The following IFT52 variants were observed in gnomAD, a reference collection of about 807,000 sequenced individuals.
IFT52 encodes the protein intraflagellar transport 52.
Under a neutral mutation model 54.4 loss-of-function variants are expected in IFT52, and 44 were observed. The ratio of observed to expected loss-of-function variants is 0.81; its 90% CI spans 0.63 to 1.04. The LOEUF (loss-of-function observed/expected upper bound fraction) is 1.04. Ranked by LOEUF, IFT52 falls within the 50% of genes least tolerant of loss-of-function variation. The pLI is 0.00. For missense variants in IFT52, 452 were observed against 523.6 expected, an observed-to-expected ratio of 0.86 and a Z score of 1.33; for synonymous variants, 181 against 185.3, an observed-to-expected ratio of 0.98 and a Z score of 0.19.
chr20:43,627,171 A>G (rs1025000406), intron 10 of IFT52, among the ~76,000 whole-genome samples: 22 of 151,046 alleles, frequency 1.5e-4, no homozygotes, highest in South Asian at 2.1e-4. Context: ...CATCTCAGAA[A>G]AAAAAAAAAA....
In IFT52 at chr20:43,613,812, T is replaced by A. The variant is rs60813278; in HGVS notation, c.486-38T>A. The A allele has an allele frequency of 0.01, 15,931 of 1,587,574 alleles. 688 individuals carry two copies. Among genetic ancestry groups the A allele is most frequent in the African/African-American group, 0.096 (7,070 of 73,918 alleles). ...TATTTTCAGAATTTTTGTATTCATG[T>A]TTTTAAAATTTGAATGTGTTTCTTT... is the stretch of plus-strand genomic sequence containing the variant. On this transcript the variant is annotated intron_variant, in intron 6 of 13. Transcript: ENST00000373030.
chr20:43,642,691 C>T (rs1986003917), intron 13 of IFT52, 67 bp downstream of exon 13: 2 of 1,477,584 alleles, frequency 1.4e-6, no homozygotes, highest in Admixed American at 4.2e-5. Context: ...ATGGACTGTG[C>T]TTGCCATGTT....
chr20:43,634,222 AAAATAG>A (rs1430510130), intron 10 of IFT52, among the ~76,000 whole-genome samples: 3 of 152,120 alleles, frequency 2.0e-5, no homozygotes, highest in Non-Finnish European at 4.4e-5. Context: ...ATGAAAAAAA[AAAATAG>A]AAGAAGAAGA....
At chr20:43,599,080 CAGA>C (rs1395766924) in intron 3 of IFT52, among the ~76,000 whole-genome samples, 1 of 152,170 alleles carries the variant, frequency 6.6e-6, no homozygotes, top group Non-Finnish European at 1.5e-5. Flanking sequence ...GGTTAATTGA[CAGA>C]AGGAGTAGAA....
At position 43,608,865 on chromosome 20, in the gene IFT52, G is replaced by T. The variant is rs182484044; in HGVS notation, c.485+3792G>T. Among the ~76,000 whole-genome samples the T allele has an allele frequency of 5.3e-4, 81 of 152,162 alleles. 1 individual carries two copies. Among genetic ancestry groups the T allele is most frequent in the African/African-American group, 1.8e-3 (75 of 41,516 alleles). ...AGAGGTGGCAGTGAGCCGAGATTGCGCCGCTGCACTCCAGCCTGGGTGACA... is the reference window on the plus strand; with the variant it reads ...AGAGGTGGCAGTGAGCCGAGATTGCTCCGCTGCACTCCAGCCTGGGTGACA... On this transcript the variant is annotated intron_variant, in intron 6 of 13. Transcript: ENST00000373030.
intron 2 of IFT52, among the ~76,000 whole-genome samples, chr20:43,595,203 A>C (rs929738932): frequency 4.6e-5 from 7 of 151,808 alleles, no homozygotes; most frequent in Admixed American, 2.6e-4. Flanking sequence ...CTGTAATCCC[A>C]GCTCCTTGGG....
chr20:43,600,246 G>A (rs6030977), intron 3 of IFT52, among the ~76,000 whole-genome samples: 5 of 152,164 alleles, frequency 3.3e-5, no homozygotes, highest in African/African-American at 7.2e-5. Flanking sequence ...ATCATGAGCC[G>A]TGTTGCTGTC....
intron 4 of IFT52, 136 bp from the exon 5 acceptor site, chr20:43,604,047 G>A (rs1450116117): frequency 7.4e-6 from 7 of 940,112 alleles, no homozygotes; most frequent in Admixed American, 2.3e-5. Context: ...TCCTAGGCTT[G>A]GGCTGCTTCC....
At chr20:43,615,724 G>C (rs1189987544) in intron 7 of IFT52, among the ~76,000 whole-genome samples, 1 of 151,962 alleles carries the variant, frequency 6.6e-6, no homozygotes, top group Non-Finnish European at 1.5e-5. Context: ...GGATCACGAG[G>C]TCAGGAGATT....
intron 13 of IFT52, among the ~76,000 whole-genome samples, chr20:43,646,068 G>A (rs3092012): frequency 0.013 from 1,898 of 151,508 alleles, 22 homozygotes; most frequent in Non-Finnish European, 0.013. Context: ...AAAATTAGCC[G>A]CGCGTGGTGG....
intron 3 of IFT52, among the ~76,000 whole-genome samples, chr20:43,600,856 A>G (rs1314845822): frequency 6.6e-6 from 1 of 152,030 alleles, no homozygotes; most frequent in African/African-American, 2.4e-5. Flanking sequence ...CTGTAGTCAC[A>G]ACTACTCAGG....
At chr20:43,593,373 A>G (rs1385442746) in intron 1 of IFT52, among the ~76,000 whole-genome samples, 1 of 152,240 alleles carries the variant, frequency 6.6e-6, no homozygotes, top group Non-Finnish European at 1.5e-5. Context: ...TTTGGAGGGC[A>G]ATTTGGAAAT....
chr20:43,629,879 G>A (rs757493891), intron 10 of IFT52, among the ~76,000 whole-genome samples: 7 of 152,148 alleles, frequency 4.6e-5, no homozygotes, highest in African/African-American at 9.7e-5. Context: ...ATCTGAGGAC[G>A]CTGAGGCACA....
At chr20:43,599,530 G>A (rs1467936804) in intron 3 of IFT52, among the ~76,000 whole-genome samples, 2 of 151,948 alleles carry the variant, frequency 1.3e-5, no homozygotes, top group Non-Finnish European at 2.9e-5. Context: ...GAAGAAAAGG[G>A]AAAAAAGCTG....
intron 3 of IFT52, among the ~76,000 whole-genome samples, chr20:43,601,318 G>T (rs1346892758): frequency 1.3e-5 from 2 of 152,130 alleles, no homozygotes; most frequent in Non-Finnish European, 2.9e-5. Context: ...CACACTAACA[G>T]TGTGAATGCA....
intron 1 of IFT52, among the ~76,000 whole-genome samples, chr20:43,592,380 AT>A (rs1185692286): frequency 6.6e-6 from 1 of 152,078 alleles, no homozygotes; most frequent in African/African-American, 2.4e-5. Flanking sequence ...CACCACAATA[AT>A]TTCCAAATGG....
intron 3 of IFT52, among the ~76,000 whole-genome samples, chr20:43,597,616 G>C (rs3127058): frequency 6.6e-6 from 1 of 152,184 alleles, no homozygotes; most frequent in South Asian, 2.1e-4. Context: ...TATGATGGCT[G>C]TGTGTGGTGG....
intron 7 of IFT52, among the ~76,000 whole-genome samples, chr20:43,618,545 G>C (rs1207938562): frequency 2.0e-5 from 3 of 152,044 alleles, no homozygotes; most frequent in African/African-American, 7.2e-5. Flanking sequence ...ACAGTGGCGC[G>C]ATCTCAGCTC....
At chr20:43,608,066 A>G (rs1376921426) in intron 6 of IFT52, among the ~76,000 whole-genome samples, 1 of 152,046 alleles carries the variant, frequency 6.6e-6, no homozygotes, top group East Asian at 1.9e-4. Flanking sequence ...GAAATCAGGC[A>G]GGGAGGTTGC....
Sources: allele counts gnomAD v4.1 joint callset (sites outside exome capture counted in the v4.1 genomes callset), GRCh38; gene constraint gnomAD v4.1.1; transcripts MANE v1.5; gene names NCBI Gene and HGNC (gene_info 2026-07-23, HGNC 2026-07-21).